The following FOCAD variants were observed in gnomAD, a reference collection of about 807,000 sequenced individuals.
FOCAD encodes KIAA1797.
Under a neutral mutation model 225.6 loss-of-function variants are expected in FOCAD, and 198 were observed. The ratio of observed to expected loss-of-function variants is 0.88; its 90% CI spans 0.78 to 0.99. The LOEUF (loss-of-function observed/expected upper bound fraction) is 0.99, where lower values mean the gene tolerates loss of function less well. FOCAD is among the 50% of genes least tolerant of loss of function. FOCAD has a pLI of 0.00. For synonymous variants in FOCAD, 897 were observed against 755.0 expected, an observed-to-expected ratio of 1.19 and a Z score of -3.08; for missense variants, 2,713 against 2,123.6, an observed-to-expected ratio of 1.28 and a Z score of -5.46.
intron 5 of FOCAD, among the ~76,000 whole-genome samples, chr9:20,751,086 AT>A (rs946458324): frequency 1.3e-5 from 2 of 152,008 alleles, no homozygotes; most frequent in African/African-American, 4.8e-5. Flanking sequence ...CAGGATGTAA[AT>A]TTGGAACTTT....
At position 20,944,786 on chromosome 9, in the gene FOCAD, A is replaced by G; in HGVS notation, c.3555+12A>G. 3 of 1,602,492 alleles carry G rather than the reference A, an allele frequency of 1.9e-6. No homozygotes were observed. ...GAACGTTTCAGGAGGTAAGAGATGG[A>G]GGCTACATTTTTTTCCCCTCTGCTC... is the stretch of plus-strand genomic sequence containing the variant. On this transcript the variant is annotated intron_variant, in intron 29 of 43. Coordinates refer to ENST00000338382, the MANE Select transcript of FOCAD (RefSeq NM_001375567.1).
chr9:20,971,762 C>A (rs1417194713), intron 35 of FOCAD, among the ~76,000 whole-genome samples: 1 of 151,948 alleles, frequency 6.6e-6, no homozygotes, highest in Non-Finnish European at 1.5e-5. Flanking sequence ...CTTTCCCCCA[C>A]CCCTCTCCCT....
chr9:20,721,341 C>T (rs142883970), intron 4 of FOCAD, among the ~76,000 whole-genome samples: 1 of 152,204 alleles, frequency 6.6e-6, no homozygotes, highest in East Asian at 1.9e-4. Context: ...ATTATAGTAT[C>T]ATCGGGCTGA....
chr9:20,893,026 A>G (rs985264435), intron 21 of FOCAD, among the ~76,000 whole-genome samples: 1 of 151,974 alleles, frequency 6.6e-6, no homozygotes, highest in Non-Finnish European at 1.5e-5. Context: ...TTAAAAAAAA[A>G]TTTTTAGTGA....
intron 26 of FOCAD, chr9:20,927,966 C>G (rs1835115282): frequency 6.7e-6 from 1 of 149,734 alleles, no homozygotes; most frequent in Non-Finnish European, 1.5e-5. Context: ...AAAAAAATGA[C>G]TTACCAGATG....
chr9:20,823,785 G>T (rs1587310197), intron 15 of FOCAD, among the ~76,000 whole-genome samples: 4 of 152,062 alleles, frequency 2.6e-5, no homozygotes, highest in Non-Finnish European at 5.9e-5. Context: ...CCCACCTTAA[G>T]GTTATGGTCA....
intron 21 of FOCAD, among the ~76,000 whole-genome samples, chr9:20,901,201 TG>T: frequency 6.9e-6 from 1 of 145,384 alleles, no homozygotes; most frequent in Non-Finnish European, 1.5e-5. Context: ...AATGTGTGTG[TG>T]TGTGTGTGTG....
At chr9:20,907,401 A>T (rs1390061260) in intron 22 of FOCAD, among the ~76,000 whole-genome samples, 159 bp downstream of exon 22, 1 of 152,070 alleles carries the variant, frequency 6.6e-6, no homozygotes, top group Admixed American at 6.6e-5. Context: ...ATATATATAT[A>T]GCATTGCTGC....
intron 43 of FOCAD, among the ~76,000 whole-genome samples, chr9:20,994,706 A>T (rs780208606): frequency 1.1e-4 from 17 of 152,026 alleles, no homozygotes; most frequent in Non-Finnish European, 1.9e-4. Flanking sequence ...GCTAGGGCTT[A>T]CTCTGTTTGA....
At chr9:20,858,982 A>T (rs944711001) in intron 15 of FOCAD, among the ~76,000 whole-genome samples, 1 of 152,142 alleles carries the variant, frequency 6.6e-6, no homozygotes, top group African/African-American at 2.4e-5. Context: ...AAATTTTTTT[A>T]GACTTGTTTT....
rs372611979 is a variant in FOCAD, at chr9:20,988,282, A to C, written c.4907-50A>C. 1.3e-4 allele frequency: 156 copies of C among 1,181,356 alleles called. No individual in the cohort carries two copies. The African/African-American group carries it at 2.0e-3, about 15-fold the overall frequency. The allele number at this position is 1,181,356 out of a possible 1,614,324, so 73.2% of individuals were successfully genotyped here. ...GATGGTTGTTACTGATCTGTTTTAC[A>C]TTTCAAAGGAAAACCATGGTCTAGT... On this transcript the variant is annotated intron_variant, in intron 40 of 43. Transcript: ENST00000338382.
intron 15 of FOCAD, among the ~76,000 whole-genome samples, chr9:20,847,472 A>ATT (rs11338930): frequency 1.4e-5 from 2 of 142,924 alleles, no homozygotes; most frequent in Admixed American, 6.9e-5. Context: ...ATCTGCTCAG[A>ATT]TTTTTTTTTT....
chr9:20,698,862 CT>C (rs1823605345), intron 1 of FOCAD, among the ~76,000 whole-genome samples: 2 of 152,042 alleles, frequency 1.3e-5, no homozygotes, highest in Admixed American at 1.3e-4. Flanking sequence ...AAAAAGTGTG[CT>C]TGATTTTAAA....
At chr9:20,951,239 G>T in intron 34 of FOCAD, 141 bp downstream of exon 34, 1 of 659,286 alleles carries the variant, frequency 1.5e-6, no homozygotes. Context: ...AGAGGGAAAT[G>T]GTGTATGGAA....
At chr9:20,940,941 C>G (rs1307622214) in intron 28 of FOCAD, among the ~76,000 whole-genome samples, 2 of 152,022 alleles carry the variant, frequency 1.3e-5, no homozygotes, top group African/African-American at 2.4e-5. Context: ...TTCTGACATG[C>G]AAGTGTCACC....
chr9:20,800,350 A>T (rs1202995247), intron 11 of FOCAD, among the ~76,000 whole-genome samples: 1 of 152,008 alleles, frequency 6.6e-6, no homozygotes, highest in Non-Finnish European at 1.5e-5. Context: ...CTCGAGGAGT[A>T]TCTTTGTGGC....
At chr9:20,662,359 G>T (rs368532471) in intron 2 of FOCAD, among the ~76,000 whole-genome samples, 1 of 152,124 alleles carries the variant, frequency 6.6e-6, no homozygotes, top group African/African-American at 2.4e-5. Flanking sequence ...GGTCAGCCTC[G>T]GGGGTAAAGA....
rs756861264 is a variant in FOCAD at position 20,764,989 on chromosome 9, C to T, written c.615C>T (p.Pro205=). The T allele has an allele frequency of 5.6e-6, 9 of 1,614,052 alleles. No homozygotes were observed. In the South Asian group the frequency reaches 9.9e-5, roughly 18 times the overall value. ...CCCTGCTGAAAGTCTTACTTCAACC[C>T]CAGGTTCTTTGTGACAAAGATCAAC... ...RLALLKVLLQ[P]QVLCDKDQPS... The change falls in exon 7 of 44, where the codon CCC becomes CCT. Residue 205 remains proline (P), a synonymous_variant. Coordinates refer to ENST00000338382, the MANE Select transcript of FOCAD (RefSeq NM_001375567.1).
intron 5 of FOCAD, among the ~76,000 whole-genome samples, chr9:20,754,305 A>G (rs1213617561): frequency 2.0e-5 from 3 of 152,218 alleles, no homozygotes; most frequent in Non-Finnish European, 4.4e-5. Flanking sequence ...AAGTAGGAAA[A>G]TAACTTCATT....
Sources: allele counts gnomAD v4.1 joint callset (sites outside exome capture counted in the v4.1 genomes callset), GRCh38; gene constraint gnomAD v4.1.1; transcripts MANE v1.5; gene names NCBI Gene and HGNC (gene_info 2026-07-23, HGNC 2026-07-21).